Variants in HCN1 observed in about 807,000 individuals in gnomAD.
The protein encoded by HCN1 is potassium/sodium hyperpolarization-activated cyclic nucleotide-gated channel 1.
In HCN1, 13 loss-of-function variants were observed where a neutral mutation model predicts 78.9. The ratio of observed to expected loss-of-function variants is 0.16; its 90% CI spans 0.11 to 0.26. The LOEUF is 0.26. Ranked by LOEUF, HCN1 falls within the 10% of genes least tolerant of loss-of-function variation. The pLI is 1.00. For missense variants in HCN1, 810 were observed against 1,154.3 expected (o/e 0.70, Z 4.32); for synonymous variants, 552 against 455.5 (o/e 1.21, Z -2.70).
chr5:45,590,959 G>C (rs1349578789), intron 2 of HCN1, among the ~76,000 whole-genome samples: 5 of 151,926 alleles, frequency 3.3e-5, no homozygotes, highest in Non-Finnish European at 5.9e-5. Context: ...AGTCTCTCGA[G>C]CAACTGGGAC....
At chr5:45,267,583 C>T (rs1318347107) in intron 6 of HCN1, among the ~76,000 whole-genome samples, 1 of 151,858 alleles carries the variant, frequency 6.6e-6, no homozygotes. Context: ...TCCTGGCTAA[C>T]ATGGTGAAAC....
At chr5:45,646,269 T>C (rs867459923) in intron 1 of HCN1, among the ~76,000 whole-genome samples, 6 of 152,056 alleles carry the variant, frequency 3.9e-5, no homozygotes, top group Middle Eastern at 3.4e-3. Flanking sequence ...TATTTGAAAC[T>C]AGAATCTACC....
At chr5:45,520,623 CTTATT>C (rs1354539698) in intron 2 of HCN1, among the ~76,000 whole-genome samples, 1 of 151,884 alleles carries the variant, frequency 6.6e-6, no homozygotes, top group Non-Finnish European at 1.5e-5. Context: ...TTCTATGATG[CTTATT>C]TTATTAACTA....
At chr5:45,516,271 T>C (rs1193734247) in intron 2 of HCN1, among the ~76,000 whole-genome samples, 1 of 151,958 alleles carries the variant, frequency 6.6e-6, no homozygotes, top group African/African-American at 2.4e-5. Flanking sequence ...ATTGAACACT[T>C]TTTTCTCCTT....
At chr5:45,329,436 G>C (rs972157092) in intron 5 of HCN1, among the ~76,000 whole-genome samples, 38 of 151,278 alleles carry the variant, frequency 2.5e-4, no homozygotes, top group African/African-American at 9.0e-4. Context: ...TAGGGAGTGG[G>C]GGATAATATT....
At chr5:45,694,669 G>A (rs771286474) in intron 1 of HCN1, among the ~76,000 whole-genome samples, 6 of 152,136 alleles carry the variant, frequency 3.9e-5, no homozygotes. Flanking sequence ...ACTAGTTCTG[G>A]ATTTTAAAAT....
At chr5:45,626,858 A>C (rs894033237) in intron 2 of HCN1, among the ~76,000 whole-genome samples, 2 of 152,020 alleles carry the variant, frequency 1.3e-5, no homozygotes, top group East Asian at 1.9e-4. Flanking sequence ...AATAAAAATA[A>C]AAAAACCTCA....
intron 3 of HCN1, among the ~76,000 whole-genome samples, chr5:45,401,435 T>C (rs1739801117): frequency 6.6e-6 from 1 of 152,148 alleles, no homozygotes; most frequent in East Asian, 1.9e-4. Context: ...ATTCCTAATT[T>C]ATCATTTGCC....
At chr5:45,419,560 C>G (rs745360085) in intron 3 of HCN1, among the ~76,000 whole-genome samples, 1 of 152,196 alleles carries the variant, frequency 6.6e-6, no homozygotes, top group Non-Finnish European at 1.5e-5. Context: ...CAAATCTGTT[C>G]TTCAGCTACC....
intron 6 of HCN1, among the ~76,000 whole-genome samples, chr5:45,269,417 CTGGAAACATTGTTT>C (rs1307494985): frequency 1.3e-5 from 2 of 152,004 alleles, no homozygotes; most frequent in South Asian, 2.1e-4. Flanking sequence ...TCTCTTTACT[CTGGAAACATTGTTT>C]TGTCTCTTTT....
rs1002097192 is a variant in HCN1, at chr5:45,621,610, G to A, written c.849+23575C>T. Among the ~76,000 whole-genome samples the A allele has an allele frequency of 2.0e-5, 3 of 152,028 alleles. No individual in the cohort carries two copies. The East Asian group carries it at 5.8e-4, about 29-fold the overall frequency. On this transcript the variant is annotated intron_variant, in intron 2 of 7. Coordinates refer to ENST00000303230, the MANE Select transcript of HCN1 (RefSeq NM_021072.4). ...TGAGGATATTCAGTTTACGTTCAGA[G>A]GACAATTAGTAAAACGTAATTTGTA...
At chr5:45,562,167 T>C (rs1561201878) in intron 2 of HCN1, among the ~76,000 whole-genome samples, 1 of 152,092 alleles carries the variant, frequency 6.6e-6, no homozygotes, top group Admixed American at 6.6e-5. Flanking sequence ...GCCCTGTCCT[T>C]AAACCTGTGG....
At chr5:45,583,116 G>A (rs368749778) in intron 2 of HCN1, among the ~76,000 whole-genome samples, 3 of 152,148 alleles carry the variant, frequency 2.0e-5, no homozygotes, top group East Asian at 3.9e-4. Flanking sequence ...GCTCCTCCTT[G>A]TACCTCTGGT....
In HCN1 at chr5:45,659,041, C is replaced by G. The variant is rs565588214; in HGVS notation, c.426-13433G>C. Among the ~76,000 whole-genome samples, 2 of 151,870 alleles carry G rather than the reference C, an allele frequency of 1.3e-5. 1 individual carries two copies. Among genetic ancestry groups the G allele is most frequent in the Admixed American group, 1.3e-4 (2 of 15,250 alleles). On this transcript the variant is annotated intron_variant, in intron 1 of 7. Coordinates refer to ENST00000303230, the MANE Select transcript of HCN1 (RefSeq NM_021072.4). ...AAAAGACAGCAGTAACCTCTGCAGA[C>G]TTAAGTGTCCCTGTCTGACAGCTTT...
intron 7 of HCN1, among the ~76,000 whole-genome samples, chr5:45,264,618 T>C (rs930264901): frequency 6.1e-4 from 93 of 152,200 alleles, no homozygotes; most frequent in African/African-American, 2.2e-3. Flanking sequence ...ACTCCTACAT[T>C]AGTAATAAAT....
At chr5:45,573,259 A>G (rs1202686069) in intron 2 of HCN1, among the ~76,000 whole-genome samples, 1 of 152,144 alleles carries the variant, frequency 6.6e-6, no homozygotes, top group African/African-American at 2.4e-5. Context: ...ACAACTTAGT[A>G]AGAACATAGG....
intron 2 of HCN1, among the ~76,000 whole-genome samples, chr5:45,534,510 C>T (rs2111810990): frequency 7.0e-6 from 1 of 143,872 alleles, no homozygotes; most frequent in African/African-American, 2.6e-5. Flanking sequence ...TAGAGCAATC[C>T]TAAAGGGCTC....
intron 2 of HCN1, among the ~76,000 whole-genome samples, chr5:45,476,528 C>G (rs1741518949): frequency 1.3e-5 from 2 of 152,092 alleles, no homozygotes; most frequent in South Asian, 4.1e-4. Context: ...TTTTATCCAG[C>G]TTCTTTAAAA....
chr5:45,285,092 C>T (rs541489776), intron 6 of HCN1, among the ~76,000 whole-genome samples: 1 of 152,072 alleles, frequency 6.6e-6, no homozygotes, highest in East Asian at 1.9e-4. Context: ...AAATGAGTTT[C>T]CTGAGGTGAA....
Sources: gnomAD v4.1 joint callset for allele counts (sites outside exome capture counted in the v4.1 genomes callset) on GRCh38, gnomAD v4.1.1 for gene constraint, MANE v1.5 for transcripts, NCBI Gene and HGNC (gene_info 2026-07-23, HGNC 2026-07-21) for gene names.